RBFOX3: variants seen among roughly 807,000 people sequenced by gnomAD.
RBFOX3 encodes RNA binding fox-1 homolog 3.
In RBFOX3, 17 loss-of-function variants were observed where a neutral mutation model predicts 48.7. That is an observed-to-expected ratio of 0.35 (90% CI 0.24 to 0.52). The LOEUF (loss-of-function observed/expected upper bound fraction) is 0.52, where lower values mean the gene tolerates loss of function less well. Among genes scored for constraint, RBFOX3 ranks in the 20% least tolerant of loss-of-function variants. RBFOX3 has a pLI of 0.94. For missense variants in RBFOX3, 382 were observed against 497.5 expected (o/e 0.77, Z 2.21); for synonymous variants, 212 against 209.5 (o/e 1.01, Z -0.10).
chr17:79,127,692 C>T (rs1416556474), intron 4 of RBFOX3, among the ~76,000 whole-genome samples: 2 of 152,076 alleles, frequency 1.3e-5, no homozygotes, highest in South Asian at 2.1e-4. Flanking sequence ...GTGCTGGGGT[C>T]GGGTCTGGTT....
chr17:79,490,934 G>A (rs1217336777), intron 1 of RBFOX3, among the ~76,000 whole-genome samples: 2 of 149,098 alleles, frequency 1.3e-5, no homozygotes, highest in African/African-American at 5.0e-5. Context: ...GAGAGACATG[G>A]GTGACGGGTG....
In RBFOX3 at chr17:79,170,140, G is replaced by GGAA. The variant is rs761172496; in HGVS notation, c.-33-54393_-33-54392insTTC. Among the ~76,000 whole-genome samples, 1,224 of 123,140 alleles carry GGAA rather than the reference G, an allele frequency of 9.9e-3. 27 individuals carry two copies. The highest frequency in any genetic ancestry group is 0.042 in the African/African-American group (1,050 of 25,026). The allele number at this position is 123,140 out of a possible 152,430, so 80.8% of individuals were successfully genotyped here. A position where few individuals can be genotyped will look rare whatever the true frequency, so the allele number is the denominator to read the frequency against. ...GAAGGAAGGAAGGAAGGAGGAAGGAGGGAAGGAAGGAAGGGAGGAGGAAGG... is the reference window on the plus strand; with the variant it reads ...GAAGGAAGGAAGGAAGGAGGAAGGAGGAAGGAAGGAAGGAAGGGAGGAGGAAGG... On this transcript the variant is annotated intron_variant, in intron 4 of 14. Transcript: ENST00000693108.
intron 2 of RBFOX3, among the ~76,000 whole-genome samples, chr17:79,428,750 T>C (rs1391552786): frequency 6.6e-6 from 1 of 152,198 alleles, no homozygotes; most frequent in Non-Finnish European, 1.5e-5. Context: ...AGCTCAGGAC[T>C]GAGGGTAGGT....
At position 79,421,547 on chromosome 17, in the gene RBFOX3, G is replaced by C. The variant is rs957030822; in HGVS notation, c.-175+60907C>G. ...CCAGGGCCTCACCTGGACAGGAGGC[G>C]AGGCTCAAATGACCCATGCTGGCAT... On this transcript the variant is annotated intron_variant, in intron 2 of 14. Coordinates refer to ENST00000693108, the MANE Select transcript of RBFOX3 (RefSeq NM_001350451.2). This position sits in a 1 kb window ranked among gnomAD's most constrained non-coding sequence, Gnocchi z 4.5. 6.6e-6 allele frequency among the ~76,000 whole-genome samples: 1 copy of C among 152,160 alleles called. No homozygotes were observed. Among genetic ancestry groups the C allele is most frequent in the Non-Finnish European group, 1.5e-5 (1 of 68,026 alleles).
At chr17:79,544,930 A>T (rs1357247451) in intron 1 of RBFOX3, among the ~76,000 whole-genome samples, 1 of 151,746 alleles carries the variant, frequency 6.6e-6, no homozygotes, top group African/African-American at 2.4e-5. Context: ...AAAATAACAT[A>T]AAATAAAAAC....
At chr17:79,302,982 T>C (rs192496049) in intron 3 of RBFOX3, among the ~76,000 whole-genome samples, 189 of 152,266 alleles carry the variant, frequency 1.2e-3, no homozygotes, top group African/African-American at 4.3e-3. Context: ...GGCCGGAGGA[T>C]TTCTCGAGCC....
chr17:79,634,547 A>G, the RBFOX3 span, among the ~76,000 whole-genome samples: 1 of 152,180 alleles, frequency 6.6e-6, no homozygotes, highest in Non-Finnish European at 1.5e-5. Flanking sequence ...ATGGGGTTCT[A>G]TAGAGCACCC....
At chr17:79,127,954 C>A (rs2037760873) in intron 4 of RBFOX3, among the ~76,000 whole-genome samples, 1 of 152,248 alleles carries the variant, frequency 6.6e-6, no homozygotes, top group Non-Finnish European at 1.5e-5. Flanking sequence ...GCAGGGAGCC[C>A]TGCTGTTCTG....
intron 3 of RBFOX3, among the ~76,000 whole-genome samples, chr17:79,291,112 T>C (rs1157833064): frequency 6.6e-6 from 1 of 152,244 alleles, no homozygotes; most frequent in African/African-American, 2.4e-5. Context: ...AATGCCAGCC[T>C]GCAGTTGAGG....
At chr17:79,309,340 C>G (rs1184258202) in intron 2 of RBFOX3, among the ~76,000 whole-genome samples, 1 of 147,708 alleles carries the variant, frequency 6.8e-6, no homozygotes, top group Non-Finnish European at 1.5e-5. Flanking sequence ...CCTGAGCCTT[C>G]CTCTCCCACC....
Position 79,299,980 on chromosome 17 carries a change from C to T in RBFOX3, c.-74+7744G>A, listed in dbSNP as rs1330241516. Reference sequence around the variant, plus strand: ...AGTGCAGTGGCATGATCTCGGCTCACTGCAACCTCTGCCTCCCGGGTTCCA... The same window carrying T: ...AGTGCAGTGGCATGATCTCGGCTCATTGCAACCTCTGCCTCCCGGGTTCCA... On this transcript the variant is annotated intron_variant, in intron 3 of 14. Transcript: ENST00000693108. This position sits in a 1 kb window ranked among gnomAD's most constrained non-coding sequence, Gnocchi z 4.5. Among the ~76,000 whole-genome samples the T allele has an allele frequency of 6.6e-6, 1 of 152,124 alleles. No individual in the cohort carries two copies. The highest frequency in any genetic ancestry group is 2.4e-5 in the African/African-American group (1 of 41,488).
intron 3 of RBFOX3, among the ~76,000 whole-genome samples, chr17:79,297,343 A>C (rs573316094): frequency 5.3e-5 from 8 of 152,194 alleles, no homozygotes; most frequent in Non-Finnish European, 1.2e-4. Context: ...AGCCCTGTGG[A>C]GAGCCGTGTG....
chr17:79,192,069 C>G (rs2054628090), intron 4 of RBFOX3, among the ~76,000 whole-genome samples: 1 of 152,144 alleles, frequency 6.6e-6, no homozygotes, highest in African/African-American at 2.4e-5. Context: ...GCTGCCACCC[C>G]TGCCAACCCC....
At chr17:79,545,931 A>G (rs868985226) in intron 1 of RBFOX3, among the ~76,000 whole-genome samples, 2 of 152,154 alleles carry the variant, frequency 1.3e-5, no homozygotes, top group Non-Finnish European at 2.9e-5. Context: ...AGCTAATTGG[A>G]AAGACTGTGT....
intron 1 of RBFOX3, among the ~76,000 whole-genome samples, chr17:79,485,060 A>T (rs895075284): frequency 6.7e-6 from 1 of 148,760 alleles, no homozygotes; most frequent in Non-Finnish European, 1.5e-5. Flanking sequence ...CAGGTGGTCC[A>T]GGGAGACTCC....
At chr17:79,542,613 G>C (rs552604983) in intron 1 of RBFOX3, among the ~76,000 whole-genome samples, 12 of 152,076 alleles carry the variant, frequency 7.9e-5, no homozygotes, top group African/African-American at 2.9e-4. Context: ...GCAAAACCCC[G>C]TCTCTACTAA....
intron 2 of RBFOX3, among the ~76,000 whole-genome samples, chr17:79,319,855 CCTGGGCTGCTGGTCCTGT>C (rs2078206883): frequency 2.8e-5 from 1 of 35,216 alleles, no homozygotes; most frequent in South Asian, 7.8e-4. Flanking sequence ...GCTAGTCTTG[CCTGGGCTGCTGGTCCTGT>C]CTGGGCTGCT....
At chr17:79,150,809 C>G (rs2377307) in intron 4 of RBFOX3, among the ~76,000 whole-genome samples, 24,341 of 152,218 alleles carry the variant, frequency 0.16, 2,138 homozygotes, top group East Asian at 0.26. Context: ...CAGGGTGCCT[C>G]TGACTGGCCA....
intron 2 of RBFOX3, among the ~76,000 whole-genome samples, chr17:79,464,177 G>A (rs1408683513): frequency 2.6e-5 from 4 of 152,360 alleles, no homozygotes; most frequent in East Asian, 1.9e-4. Flanking sequence ...GCTCTGTGGC[G>A]AGGCCTCTGC....
Sources: gnomAD v4.1 joint callset for allele counts (sites outside exome capture counted in the v4.1 genomes callset) on GRCh38, gnomAD v4.1.1 for gene constraint, Gnocchi (gnomAD v3.1) non-coding constraint, MANE v1.5 for transcripts, NCBI Gene and HGNC (gene_info 2026-07-23, HGNC 2026-07-21) for gene names.